The following LRRFIP2 variants were observed in gnomAD, a reference collection of about 807,000 sequenced individuals.
LRRFIP2 encodes the protein leucine-rich repeat flightless-interacting protein 2.
A neutral mutation model predicts 125.9 loss-of-function variants in LRRFIP2; 109 were observed. That is an observed-to-expected ratio of 0.87 (90% CI 0.74 to 1.01). LRRFIP2 has a LOEUF of 1.01. Among genes scored for constraint, LRRFIP2 ranks in the 50% least tolerant of loss-of-function variants. The pLI is 0.00. For missense variants in LRRFIP2, 850 were observed against 862.3 expected (o/e 0.99, Z 0.18); for synonymous variants, 291 against 293.1 (o/e 0.99, Z 0.07).
chr3:37,135,310 T>C (rs2095530139), intron 2 of LRRFIP2, among the ~76,000 whole-genome samples: 1 of 151,868 alleles, frequency 6.6e-6, no homozygotes, highest in Non-Finnish European at 1.5e-5. Context: ...AATACACAAA[T>C]TAGCTGGGCA....
intron 24 of LRRFIP2, among the ~76,000 whole-genome samples, chr3:37,061,899 C>T (rs1483250140): frequency 6.6e-6 from 1 of 152,102 alleles, no homozygotes; most frequent in Non-Finnish European, 1.5e-5. Context: ...ACCACTATTC[C>T]TCATCTTTCC....
chr3:37,133,086 G>A (rs545199276), intron 2 of LRRFIP2, among the ~76,000 whole-genome samples: 9 of 152,118 alleles, frequency 5.9e-5, no homozygotes, highest in South Asian at 2.1e-4. Flanking sequence ...TTAGCTGGGC[G>A]TGGTGGTGCA....
chr3:37,071,675 T>C (rs912453704), intron 21 of LRRFIP2, among the ~76,000 whole-genome samples: 3 of 152,162 alleles, frequency 2.0e-5, no homozygotes, highest in Non-Finnish European at 2.9e-5. Context: ...TCTCAAGAGA[T>C]GTTCTCAGGG....
At chr3:37,128,582 T>C (rs2095347222) in intron 3 of LRRFIP2, among the ~76,000 whole-genome samples, 1 of 152,124 alleles carries the variant, frequency 6.6e-6, no homozygotes, top group Non-Finnish European at 1.5e-5. Flanking sequence ...TATATATGGA[T>C]ACTGGTTTTT....
At chr3:37,061,564 T>C (rs1233652095) in intron 24 of LRRFIP2, among the ~76,000 whole-genome samples, 1 of 151,738 alleles carries the variant, frequency 6.6e-6, no homozygotes, top group Non-Finnish European at 1.5e-5. Flanking sequence ...CTAATTTTTG[T>C]ATATTTTTAG....
At chr3:37,164,535 T>A (rs544859716) in intron 1 of LRRFIP2, among the ~76,000 whole-genome samples, 5 of 151,990 alleles carry the variant, frequency 3.3e-5, no homozygotes, top group Admixed American at 6.6e-5. Context: ...CTGACCAACA[T>A]GGTGAAACCC....
At chr3:37,072,697 A>T in intron 21 of LRRFIP2, 93 bp downstream of exon 21, 1 of 720,548 alleles carries the variant, frequency 1.4e-6, no homozygotes, top group Non-Finnish European at 2.4e-6. Flanking sequence ...GCTCAAGAAG[A>T]ATCAAAAGGA....
At chr3:37,164,709 A>G (rs528139506) in intron 1 of LRRFIP2, among the ~76,000 whole-genome samples, 1 of 151,408 alleles carries the variant, frequency 6.6e-6, no homozygotes, top group Non-Finnish European at 1.5e-5. Flanking sequence ...TGACAGAAAA[A>G]GACTCCGTCT....
intron 1 of LRRFIP2, among the ~76,000 whole-genome samples, chr3:37,165,750 C>T (rs2096464257): frequency 7.4e-6 from 1 of 135,824 alleles, no homozygotes; most frequent in Non-Finnish European, 1.6e-5. Context: ...GAGAGAAACT[C>T]TGTCACAAAA....
intron 24 of LRRFIP2, among the ~76,000 whole-genome samples, chr3:37,062,574 C>T (rs941129241): frequency 3.9e-4 from 60 of 152,074 alleles, no homozygotes; most frequent in African/African-American, 1.4e-3. Flanking sequence ...ATACAAGCTT[C>T]CACAAAGAGG....
chr3:37,105,474 C>T lies in LRRFIP2; in HGVS notation c.764G>A (p.Arg255His), dbSNP rs776256882. 25 of 1,613,798 alleles carry T rather than the reference C, an allele frequency of 1.5e-5. No homozygotes were observed. The East Asian group carries it at 2.0e-4, about 13-fold the overall frequency. Residue 255 changes from arginine (R) to histidine (H), a missense_variant, in exon 14 of 28, where the codon CGT becomes CAT. Physicochemically the swap from Arg to His is conservative, Grantham distance 29. Transcript: ENST00000336686. ...ASIVSSDRASRGRRESVVSAA... is the reference protein window; with the variant it reads ...ASIVSSDRASHGRRESVVSAA... ...GCTCACCACACTCTCCCTTCGTCCA[C>T]GACTGGCACGATCAGAAGACACAAT...
intron 1 of LRRFIP2, among the ~76,000 whole-genome samples, chr3:37,157,552 G>A (rs1311110972): frequency 6.6e-6 from 1 of 152,036 alleles, no homozygotes; most frequent in African/African-American, 2.4e-5. Flanking sequence ...GGAGAGGGAG[G>A]AGAGAGAGGG....
intron 2 of LRRFIP2, among the ~76,000 whole-genome samples, chr3:37,140,949 A>C (rs982745401): frequency 6.6e-6 from 1 of 151,992 alleles, no homozygotes; most frequent in Non-Finnish European, 1.5e-5. Context: ...TTAGGTTCTC[A>C]TCATCTTTCA....
chr3:37,108,715 T>C, intron 11 of LRRFIP2, 31 bp from the exon 12 acceptor site: 1 of 1,569,146 alleles, frequency 6.4e-7, no homozygotes, highest in Non-Finnish European at 8.8e-7. Context: ...CACTTAGCTA[T>C]TTAGCTTCAA....
At chr3:37,163,710 T>C (rs761613531) in intron 1 of LRRFIP2, among the ~76,000 whole-genome samples, 1 of 152,152 alleles carries the variant, frequency 6.6e-6, no homozygotes, top group Non-Finnish European at 1.5e-5. Context: ...CTTAGAGAGG[T>C]AGTAGAGCTT....
At chr3:37,084,642 G>A (rs113036271) in intron 18 of LRRFIP2, among the ~76,000 whole-genome samples, 3 of 152,156 alleles carry the variant, frequency 2.0e-5, no homozygotes, top group African/African-American at 2.4e-5. Flanking sequence ...CTCCAGCCTG[G>A]GTGACAGAGC....
intron 4 of LRRFIP2, among the ~76,000 whole-genome samples, chr3:37,122,251 C>G (rs1204814380): frequency 3.3e-5 from 5 of 151,722 alleles, no homozygotes; most frequent in African/African-American, 1.2e-4. Context: ...ATGAACTCAT[C>G]CTTTTTTATG....
intron 21 of LRRFIP2, among the ~76,000 whole-genome samples, chr3:37,072,494 T>C (rs1576076005): frequency 9.8e-6 from 1 of 102,244 alleles, no homozygotes; most frequent in African/African-American, 4.2e-5. Flanking sequence ...AGAGTGAGAC[T>C]CCGTCTCAAA....
chr3:37,064,031 G>A, intron 23 of LRRFIP2: 1 of 452,792 alleles, frequency 2.2e-6, no homozygotes, highest in Non-Finnish European at 4.0e-6. Context: ...GTTCCCCACA[G>A]CAGTGATTTG....
Sources: gnomAD v4.1 joint callset for allele counts (sites outside exome capture counted in the v4.1 genomes callset) on GRCh38, gnomAD v4.1.1 for gene constraint, MANE v1.5 for transcripts, NCBI Gene and HGNC (gene_info 2026-07-23, HGNC 2026-07-21) for gene names.